INSYN2A: variants seen among roughly 807,000 people sequenced by gnomAD.
The protein encoded by INSYN2A is family with sequence similarity 196 member A.
In INSYN2A, 17 loss-of-function variants were observed where a neutral mutation model predicts 39.4. The observed-to-expected ratio is 0.43, with a 90% CI of 0.30 to 0.65. The LOEUF (loss-of-function observed/expected upper bound fraction) is 0.65, where lower values mean the gene tolerates loss of function less well. Ranked by LOEUF, INSYN2A falls within the 30% of genes least tolerant of loss-of-function variation. The probability of loss-of-function intolerance (pLI) is 0.14; values close to 1 mark genes in which losing one functional copy is unlikely to be tolerated. For synonymous variants in INSYN2A, 255 were observed against 265.7 expected (o/e 0.96, Z 0.39); for missense variants, 595 against 631.2 (o/e 0.94, Z 0.61).
intron 5 of INSYN2A, among the ~76,000 whole-genome samples, chr10:127,141,045 T>A (rs2051192934): frequency 6.6e-6 from 1 of 152,164 alleles, no homozygotes; most frequent in Admixed American, 6.5e-5. Flanking sequence ...CTTTGTCCGG[T>A]GCTGCCAGCT....
intron 2 of INSYN2A, among the ~76,000 whole-genome samples, chr10:127,186,359 G>T (rs74533149): frequency 6.6e-5 from 10 of 152,122 alleles, no homozygotes; most frequent in Non-Finnish European, 4.4e-5. Context: ...CTGAATGAGC[G>T]CAAGCAGGGG....
intron 4 of INSYN2A, among the ~76,000 whole-genome samples, chr10:127,165,574 G>A (rs780057136): frequency 4.1e-4 from 62 of 152,070 alleles, no homozygotes; most frequent in Non-Finnish European, 7.5e-4. Context: ...CTATCTTTAA[G>A]GTTTATTTTT....
At chr10:127,181,077 G>A (rs1196484911) in intron 2 of INSYN2A, among the ~76,000 whole-genome samples, 1 of 152,156 alleles carries the variant, frequency 6.6e-6, no homozygotes, top group African/African-American at 2.4e-5. Context: ...CAGAAATGAT[G>A]AGATGGGGCT....
chr10:127,176,430 A>G lies in INSYN2A; in HGVS notation c.-5-30T>C. ...ATTCAGAAACAGCAACAGAGGTGTC[A>G]GTGGGACAGAAATACACACTCAAGC... On this transcript the variant is annotated intron_variant, in intron 3 of 5. Transcript: ENST00000522781. This position sits in a 1 kb window ranked among gnomAD's most constrained non-coding sequence, Gnocchi z 4.4. 1.9e-6 allele frequency: 3 copies of G among 1,551,084 alleles called. No individual in the cohort carries two copies. The highest frequency in any genetic ancestry group is 2.6e-6 in the Non-Finnish European group (3 of 1,146,116).
intron 1 of INSYN2A, among the ~76,000 whole-genome samples, chr10:127,194,795 T>C (rs2056987905): frequency 6.6e-6 from 1 of 152,180 alleles, no homozygotes; most frequent in Non-Finnish European, 1.5e-5. Flanking sequence ...ATCGTTTGGC[T>C]TCCCAGCCAA....
At chr10:127,153,801 A>C (rs376140868) in intron 5 of INSYN2A, 51 bp downstream of exon 5, 5 of 1,405,142 alleles carry the variant, frequency 3.6e-6, no homozygotes, top group Non-Finnish European at 5.0e-6. Flanking sequence ...GTGGGTAAAC[A>C]TCATTTGTCA....
At chr10:127,141,072 C>G (rs1340848749) in intron 5 of INSYN2A, among the ~76,000 whole-genome samples, 3 of 152,174 alleles carry the variant, frequency 2.0e-5, no homozygotes, top group Admixed American at 6.5e-5. Flanking sequence ...TTATCACTTT[C>G]TCCCCACCTG....
At chr10:127,140,909 C>T (rs1338670723) in intron 5 of INSYN2A, among the ~76,000 whole-genome samples, 1 of 152,172 alleles carries the variant, frequency 6.6e-6, no homozygotes, top group African/African-American at 2.4e-5. Context: ...TTTGAGACAG[C>T]GGCTTGTTCA....
At chr10:127,144,382 T>C (rs2051584857) in intron 5 of INSYN2A, among the ~76,000 whole-genome samples, 1 of 152,176 alleles carries the variant, frequency 6.6e-6, no homozygotes, top group African/African-American at 2.4e-5. Flanking sequence ...AGAGCCTGTC[T>C]CCTGTGGGAT....
chr10:127,159,696 G>A (rs934133609), intron 4 of INSYN2A, among the ~76,000 whole-genome samples: 8 of 152,084 alleles, frequency 5.3e-5, no homozygotes, highest in Non-Finnish European at 8.8e-5. Context: ...TTTACGGACC[G>A]TTGGCAAAAG....
At chr10:127,151,333 T>C (rs2052467587) in intron 5 of INSYN2A, among the ~76,000 whole-genome samples, 1 of 152,128 alleles carries the variant, frequency 6.6e-6, no homozygotes, top group South Asian at 2.1e-4. Flanking sequence ...ATAAAGACTT[T>C]GGGAGGCAGC....
At chr10:127,172,177 A>G (rs1423563012) in intron 4 of INSYN2A, among the ~76,000 whole-genome samples, 2 of 152,228 alleles carry the variant, frequency 1.3e-5, no homozygotes, top group Non-Finnish European at 2.9e-5. Context: ...TACATAAAGT[A>G]AGCCCTGTGA....
chr10:127,156,518 T>A (rs2053065324), intron 4 of INSYN2A, among the ~76,000 whole-genome samples: 6 of 151,364 alleles, frequency 4.0e-5, no homozygotes, highest in Admixed American at 3.9e-4. Flanking sequence ...CTCTTTTCTT[T>A]ACTTTTCTTT....
chr10:127,168,570 C>T (rs1324154589), intron 4 of INSYN2A, among the ~76,000 whole-genome samples: 1 of 152,190 alleles, frequency 6.6e-6, no homozygotes, highest in African/African-American at 2.4e-5. Context: ...TGTCTAATGT[C>T]ACCCACCTCC....
At chr10:127,147,308 C>T (rs1039642131) in intron 5 of INSYN2A, among the ~76,000 whole-genome samples, 2 of 152,152 alleles carry the variant, frequency 1.3e-5, no homozygotes, top group African/African-American at 4.8e-5. Flanking sequence ...TGTTTGTCCT[C>T]CTAGTTCCTG....
intron 4 of INSYN2A, among the ~76,000 whole-genome samples, chr10:127,173,050 G>T (rs1401268253): frequency 8.5e-5 from 13 of 152,184 alleles, no homozygotes; most frequent in African/African-American, 3.1e-4. Flanking sequence ...GTGGCAGCCT[G>T]TGTGCCGGGC....
chr10:127,180,880 G>A (rs868438834), intron 2 of INSYN2A, among the ~76,000 whole-genome samples: 2 of 152,208 alleles, frequency 1.3e-5, no homozygotes, highest in African/African-American at 4.8e-5. Context: ...AACGGTCATC[G>A]TTGTGGTATT....
At chr10:127,163,401 GAGA>G (rs759371232) in intron 4 of INSYN2A, among the ~76,000 whole-genome samples, 60 of 152,222 alleles carry the variant, frequency 3.9e-4, no homozygotes, top group African/African-American at 1.2e-3. Flanking sequence ...CTCCCTCCAC[GAGA>G]AGGTCAACAC....
chr10:127,162,146 G>T (rs1408767536), intron 4 of INSYN2A, among the ~76,000 whole-genome samples: 1 of 152,160 alleles, frequency 6.6e-6, no homozygotes, highest in Non-Finnish European at 1.5e-5. Context: ...ATGTCAGGTG[G>T]TAAAGCTGAT....
Sources: gnomAD v4.1 joint callset for allele counts (sites outside exome capture counted in the v4.1 genomes callset) on GRCh38, gnomAD v4.1.1 for gene constraint, Gnocchi (gnomAD v3.1) non-coding constraint, MANE v1.5 for transcripts, NCBI Gene and HGNC (gene_info 2026-07-23, HGNC 2026-07-21) for gene names.